KTN1: variants seen among roughly 807,000 people sequenced by gnomAD.
KTN1 encodes the protein kinectin.
In KTN1, 130 loss-of-function variants were observed where a neutral mutation model predicts 222.5. That is an observed-to-expected ratio of 0.58 (90% confidence interval 0.51 to 0.68). The LOEUF is 0.68. Among genes scored for constraint, KTN1 ranks in the 30% least tolerant of loss-of-function variants. The pLI is 0.00. For synonymous variants in KTN1, 512 were observed against 496.3 expected, an observed-to-expected ratio of 1.03 and a Z score of -0.42; for missense variants, 1,508 against 1,500.4, an observed-to-expected ratio of 1.01 and a Z score of -0.08.
At chr14:55,593,508 G>A (rs1293075534) in intron 1 of KTN1, among the ~76,000 whole-genome samples, 1 of 148,622 alleles carries the variant, frequency 6.7e-6, no homozygotes, top group Non-Finnish European at 1.5e-5. Flanking sequence ...ATTCACACTG[G>A]GAAACGCGCT....
At chr14:55,637,732 T>G in intron 11 of KTN1, 47 bp from the exon 12 acceptor site, 2 of 1,327,230 alleles carry the variant, frequency 1.5e-6, no homozygotes, top group Non-Finnish European at 2.2e-6. Flanking sequence ...ATACATGGGG[T>G]TATTTATTAG....
At chr14:55,642,768 C>T (rs927931852) in intron 18 of KTN1, among the ~76,000 whole-genome samples, 8 of 152,056 alleles carry the variant, frequency 5.3e-5, no homozygotes, top group African/African-American at 1.7e-4. Flanking sequence ...TTTATTCTAC[C>T]TCCCCGTATG....
At chr14:55,626,506 T>C (rs1361911217) in intron 5 of KTN1, among the ~76,000 whole-genome samples, 1 of 152,216 alleles carries the variant, frequency 6.6e-6, no homozygotes, top group African/African-American at 2.4e-5. Flanking sequence ...TGATAACCTT[T>C]TTCTGGTGAT....
chr14:55,626,770 A>G (rs2039882188), intron 5 of KTN1, among the ~76,000 whole-genome samples: 2 of 152,110 alleles, frequency 1.3e-5, no homozygotes, highest in African/African-American at 4.8e-5. Flanking sequence ...TAAGAGGCTT[A>G]GGGTCTCCCT....
intron 19 of KTN1, 54 bp downstream of exon 19, chr14:55,647,061 C>A: frequency 9.5e-7 from 1 of 1,048,728 alleles, no homozygotes; most frequent in Non-Finnish European, 1.5e-6. Context: ...ACCAAATTAA[C>A]TACATTAATT....
chr14:55,647,596 G>A (rs1874591423), intron 19 of KTN1, among the ~76,000 whole-genome samples: 1 of 123,620 alleles, frequency 8.1e-6, no homozygotes, highest in African/African-American at 3.2e-5. Context: ...TCATGCCATT[G>A]CACTCCAGCC....
intron 1 of KTN1, among the ~76,000 whole-genome samples, chr14:55,581,632 T>C (rs1181951918): frequency 6.6e-6 from 1 of 152,146 alleles, no homozygotes. Flanking sequence ...GGTTCTGAAT[T>C]GTATAGGAGT....
intron 22 of KTN1, among the ~76,000 whole-genome samples, chr14:55,650,031 A>T (rs1323147333): frequency 6.6e-6 from 1 of 151,586 alleles, no homozygotes; most frequent in Admixed American, 6.6e-5. Context: ...TTTCCAGAGG[A>T]TGGGAGTCAG....
At chr14:55,589,081 C>T (rs148273163) in intron 1 of KTN1, among the ~76,000 whole-genome samples, 99 of 152,050 alleles carry the variant, frequency 6.5e-4, no homozygotes, top group African/African-American at 2.1e-3. Flanking sequence ...AAAATACAGC[C>T]GAGGCATTTA....
Position 55,636,558 on chromosome 14 carries a change from G to T in KTN1, c.1549+22G>T, listed in dbSNP as rs576046318. On this transcript the variant is annotated intron_variant, in intron 10 of 43. Coordinates refer to ENST00000395314, the MANE Select transcript of KTN1 (RefSeq NM_001079521.2). Reference sequence around the variant, plus strand: ...CAAGGTAAGGGGAAGAAGTATTCATGTAAACTTTGTATATAATTTTGGGTA... The same window carrying T: ...CAAGGTAAGGGGAAGAAGTATTCATTTAAACTTTGTATATAATTTTGGGTA... 31 of 1,550,262 alleles carry T rather than the reference G, an allele frequency of 2.0e-5. No individual in the cohort carries two copies. In the South Asian group the frequency reaches 3.1e-4, roughly 15 times the overall value.
At chr14:55,651,732 A>T (rs2042946630) in intron 24 of KTN1, 158 bp from the exon 25 acceptor site, 2 of 558,104 alleles carry the variant, frequency 3.6e-6, no homozygotes, top group Non-Finnish European at 6.4e-6. Flanking sequence ...CTGTTATTGG[A>T]GTCAAGAGGA....
rs778534931 is a variant in KTN1 at position 55,673,303 on chromosome 14, T to C, written c.3771+48T>C. On this transcript the variant is annotated intron_variant, in intron 40 of 43. Transcript: ENST00000395314. Reference sequence around the variant, plus strand: ...GGTATCAAGTAGGCACTGAAAACACTTTATTGACATGTGGAGAAACCATCC... The same window carrying C: ...GGTATCAAGTAGGCACTGAAAACACCTTATTGACATGTGGAGAAACCATCC... 1.7e-5 allele frequency: 21 copies of C among 1,212,220 alleles called. No individual in the cohort carries two copies. The African/African-American group carries it at 2.4e-4, about 14-fold the overall frequency. The allele number at this position is 1,212,220 out of a possible 1,614,324, so 75.1% of individuals were successfully genotyped here.
At chr14:55,678,185 T>C (rs1261662457) in intron 41 of KTN1, among the ~76,000 whole-genome samples, 167 bp from the exon 42 acceptor site, 2 of 152,204 alleles carry the variant, frequency 1.3e-5, no homozygotes, top group Non-Finnish European at 2.9e-5. Flanking sequence ...AGTGAACATA[T>C]GTTCTTATAA....
intron 28 of KTN1, among the ~76,000 whole-genome samples, chr14:55,655,227 C>T (rs529142590): frequency 2.6e-4 from 40 of 152,324 alleles, no homozygotes; most frequent in Middle Eastern, 3.4e-3. Context: ...GATCCTCCCA[C>T]CTTGGCCTCC....
intron 1 of KTN1, among the ~76,000 whole-genome samples, chr14:55,592,592 C>T (rs1302648789): frequency 6.6e-6 from 1 of 152,166 alleles, no homozygotes; most frequent in Non-Finnish European, 1.5e-5. Context: ...TTGGCGCATA[C>T]TGAGGGATGA....
intron 21 of KTN1, 56 bp downstream of exon 21, chr14:55,648,926 G>A: frequency 1.6e-6 from 2 of 1,237,512 alleles, no homozygotes; most frequent in Non-Finnish European, 2.3e-6. Flanking sequence ...TTGTTTGTTT[G>A]TTGTTTTTAA....
At chr14:55,620,623 C>T (rs2039007628) in intron 5 of KTN1, among the ~76,000 whole-genome samples, 2 of 152,176 alleles carry the variant, frequency 1.3e-5, no homozygotes, top group South Asian at 4.1e-4. Context: ...CCCTCTGAAG[C>T]CATGGCCCAT....
chr14:55,636,242 G>A (rs559300598), intron 9 of KTN1, among the ~76,000 whole-genome samples: 14 of 152,308 alleles, frequency 9.2e-5, no homozygotes, highest in South Asian at 4.1e-4. Context: ...ACCCTGTAAT[G>A]TTGGAGGATA....
chr14:55,606,697 A>G (rs1282043350), intron 1 of KTN1, among the ~76,000 whole-genome samples: 1 of 152,126 alleles, frequency 6.6e-6, no homozygotes, highest in African/African-American at 2.4e-5. Flanking sequence ...TCTTATGTTT[A>G]TGTATTTAAG....
Sources: gnomAD v4.1 joint callset for allele counts (sites outside exome capture counted in the v4.1 genomes callset) on GRCh38, gnomAD v4.1.1 for gene constraint, MANE v1.5 for transcripts, NCBI Gene and HGNC (gene_info 2026-07-23, HGNC 2026-07-21) for gene names.